Variants in ZNHIT6 observed in about 807,000 individuals in gnomAD.
The protein encoded by ZNHIT6 is zinc finger HIT-type containing 6.
ZNHIT6 carries 45 observed loss-of-function variants against 57.2 expected under a neutral mutation model. That is an observed-to-expected ratio of 0.79 (90% CI 0.62 to 1.01). The LOEUF (loss-of-function observed/expected upper bound fraction) is 1.01, where lower values mean the gene tolerates loss of function less well. Ranked by LOEUF, ZNHIT6 falls within the 50% of genes least tolerant of loss-of-function variation. The pLI, the probability that ZNHIT6 is intolerant of heterozygous loss-of-function variation, is 0.00. For synonymous variants in ZNHIT6, 188 were observed against 190.0 expected (o/e 0.99, Z 0.09); for missense variants, 528 against 567.3 (o/e 0.93, Z 0.70).
intron 5 of ZNHIT6, among the ~76,000 whole-genome samples, chr1:85,697,615 A>G (rs552987823): frequency 1.3e-5 from 2 of 152,336 alleles, no homozygotes; most frequent in South Asian, 4.1e-4. Context: ...CTATAATTTC[A>G]TAAATTTTAA....
intron 8 of ZNHIT6, among the ~76,000 whole-genome samples, chr1:85,676,871 T>C (rs1661719509): frequency 6.6e-6 from 1 of 152,210 alleles, no homozygotes; most frequent in African/African-American, 2.4e-5. Context: ...ACATGTGCTG[T>C]TGGAAAACTG....
chr1:85,672,752 T>C (rs1388561471), intron 8 of ZNHIT6, among the ~76,000 whole-genome samples: 1 of 151,722 alleles, frequency 6.6e-6, no homozygotes, highest in African/African-American at 2.4e-5. Flanking sequence ...ATGGTTTTTT[T>C]TGAATAAATT....
rs893101123 is a variant in ZNHIT6, at chr1:85,650,285, T to A, written c.*3773A>T. 6.6e-6 allele frequency: 1 copy of A among 152,198 alleles called. No homozygotes were observed. The highest frequency in any genetic ancestry group is 2.4e-5 in the African/African-American group (1 of 41,440). The allele number at this position is 152,198 out of a possible 1,614,324, so 9.4% of individuals were successfully genotyped here. The stretch of plus-strand genomic sequence containing the variant: ...TGCTGTTATCCACCATCCTCTCACC[T>A]CACTGTTCCTCATCCCATACAGAAT... On this transcript the variant is annotated 3_prime_UTR_variant, in exon 10 of 10. Transcript: ENST00000370574.
chr1:85,673,336 C>G (rs1472416950), intron 8 of ZNHIT6, among the ~76,000 whole-genome samples: 1 of 152,172 alleles, frequency 6.6e-6, no homozygotes, highest in Non-Finnish European at 1.5e-5. Flanking sequence ...GGAAAGAAAA[C>G]TCCCAAACAG....
chr1:85,707,249 T>G (rs899484239), intron 1 of ZNHIT6, among the ~76,000 whole-genome samples: 1 of 152,240 alleles, frequency 6.6e-6, no homozygotes, highest in African/African-American at 2.4e-5. Context: ...AGTTTTAACT[T>G]AATCTACTTT....
Position 85,708,308 on chromosome 1 carries a change from C to G in ZNHIT6, c.-24G>C. ...ATCAACTCACGATCCTTGGCCTCTG[C>G]TGCCACTCTATCCTTCAATGTGGCT... On this transcript the variant is annotated 5_prime_UTR_variant, in exon 1 of 10. Transcript: ENST00000370574. 1.3e-6 allele frequency: 2 copies of G among 1,572,406 alleles called. No homozygotes were observed. The highest frequency in any genetic ancestry group is 1.7e-6 in the Non-Finnish European group (2 of 1,158,546).
Position 85,707,743 on chromosome 1 carries a change from C to T in ZNHIT6, c.542G>A (p.Cys181Tyr). The T allele has an allele frequency of 1.9e-6, 3 of 1,613,998 alleles. No homozygotes were observed. The highest frequency in any genetic ancestry group is 2.2e-5 in the South Asian group (2 of 91,052). Residue 181 changes from cysteine to tyrosine, a missense_variant, in exon 1 of 10, where the codon TGT (cysteine) becomes TAT (tyrosine). Physicochemically the swap from Cys to Tyr is radical, Grantham distance 194 (BLOSUM62 -2). Coordinates refer to ENST00000370574, the MANE Select transcript of ZNHIT6 (RefSeq NM_017953.4). Reference protein sequence around the residue: ...CIKEELMHGECVKEEKDFLKK... With the variant: ...CIKEELMHGEYVKEEKDFLKK... ...CAGGAAATCCTTCTCTTCTTTTACA[C>T]ACTCTCCATGCATCAATTCCTCTTT...
chr1:85,656,997 C>T (rs1661077951), intron 9 of ZNHIT6, among the ~76,000 whole-genome samples: 2 of 152,056 alleles, frequency 1.3e-5, no homozygotes, highest in Non-Finnish European at 2.9e-5. Context: ...ATTCTATGCT[C>T]CTCTGGAGTT....
chr1:85,655,542 A>G (rs984127167), intron 9 of ZNHIT6, among the ~76,000 whole-genome samples: 3 of 152,226 alleles, frequency 2.0e-5, no homozygotes, highest in African/African-American at 7.2e-5. Flanking sequence ...AAAGATTTTT[A>G]GCAGTATGGG....
At chr1:85,654,864 A>G (rs748798774) in intron 9 of ZNHIT6, among the ~76,000 whole-genome samples, 1 of 152,212 alleles carries the variant, frequency 6.6e-6, no homozygotes, top group African/African-American at 2.4e-5. Context: ...TGAGGCTTAT[A>G]GCTGTTATCT....
intron 5 of ZNHIT6, among the ~76,000 whole-genome samples, chr1:85,683,668 T>A (rs551910912): frequency 1.3e-5 from 2 of 152,308 alleles, no homozygotes; most frequent in African/African-American, 2.4e-5. Flanking sequence ...CTCATTTTTT[T>A]ATAATTATAT....
intron 8 of ZNHIT6, among the ~76,000 whole-genome samples, chr1:85,667,816 C>T (rs1049671014): frequency 6.7e-6 from 1 of 150,034 alleles, no homozygotes; most frequent in African/African-American, 2.5e-5. Context: ...TGCCTGTGAT[C>T]CCAGCTACTT....
At chr1:85,698,581 C>A (rs1055252037) in intron 5 of ZNHIT6, among the ~76,000 whole-genome samples, 5 of 152,110 alleles carry the variant, frequency 3.3e-5, no homozygotes, top group Admixed American at 6.5e-5. Flanking sequence ...TAAGCGACAT[C>A]AACTTGAGAT....
intron 5 of ZNHIT6, among the ~76,000 whole-genome samples, chr1:85,700,795 A>T (rs962985246): frequency 1.3e-5 from 2 of 152,226 alleles, no homozygotes; most frequent in East Asian, 3.9e-4. Flanking sequence ...CACATTTGAT[A>T]AATGCAAGAC....
At chr1:85,686,992 G>A (rs116127000) in intron 5 of ZNHIT6, among the ~76,000 whole-genome samples, 5,422 of 151,738 alleles carry the variant, frequency 0.036, 112 homozygotes, top group Middle Eastern at 0.082. Context: ...TTTAGAGGCC[G>A]GGCATGGTGG....
Position 85,650,997 on chromosome 1 carries a change from T to C in ZNHIT6, c.*3061A>G, listed in dbSNP as rs1046150317. 6.6e-6 allele frequency: 1 copy of C among 152,162 alleles called. No homozygotes were observed. The highest frequency in any genetic ancestry group is 2.4e-5 in the African/African-American group (1 of 41,432). 9.4% of individuals were successfully genotyped at this position (152,162 alleles called of 1,614,324 possible). The stretch of plus-strand genomic sequence containing the variant: ...AAACTATATTCAAACCATAACAGTA[T>C]ATGATTAAATAAAAATAGACCAGCA... On this transcript the variant is annotated 3_prime_UTR_variant, in exon 10 of 10. Transcript: ENST00000370574.
chr1:85,669,541 T>C (rs1221871905), intron 8 of ZNHIT6, among the ~76,000 whole-genome samples: 2 of 152,114 alleles, frequency 1.3e-5, no homozygotes, highest in Non-Finnish European at 2.9e-5. Context: ...AAACAACTAA[T>C]AGGCTCTGTG....
At chr1:85,664,513 T>A (rs1249198337) in intron 8 of ZNHIT6, among the ~76,000 whole-genome samples, 1 of 152,178 alleles carries the variant, frequency 6.6e-6, no homozygotes, top group African/African-American at 2.4e-5. Flanking sequence ...TCATGCATTA[T>A]CCTTAGCAAA....
Position 85,702,189 on chromosome 1 carries a change from C to T in ZNHIT6, c.987G>A (p.Lys329=). Residue 329 remains lysine, a synonymous_variant, in exon 5 of 10, where the codon AAG becomes AAA. Coordinates refer to ENST00000370574, the MANE Select transcript of ZNHIT6 (RefSeq NM_017953.4). ...NLKLLPNGFT[K]RKENSTFFDK... ...CAAAAAAGGTTGAATTCTCCTTCCT[C>T]TTGGTGAATCCATTGGGTAGAAGTT... The T allele has an allele frequency of 1.2e-6, 2 of 1,610,400 alleles. No homozygotes were observed. Among genetic ancestry groups the T allele is most frequent in the Non-Finnish European group, 1.7e-6 (2 of 1,179,014 alleles).
Sources: gnomAD v4.1 joint callset for allele counts (sites outside exome capture counted in the v4.1 genomes callset) on GRCh38, gnomAD v4.1.1 for gene constraint, MANE v1.5 for transcripts, NCBI Gene and HGNC (gene_info 2026-07-23, HGNC 2026-07-21) for gene names.